The following CACNA1E variants were observed in gnomAD, a reference collection of about 807,000 sequenced individuals.
CACNA1E encodes the protein calcium voltage-gated channel subunit alpha1 E, also known as voltage-dependent R-type calcium channel subunit alpha-1E.
Under a neutral mutation model 259.2 loss-of-function variants are expected in CACNA1E, and 40 were observed. The ratio of observed to expected loss-of-function variants is 0.15; its 90% confidence interval spans 0.12 to 0.20. The LOEUF is 0.20. Among genes scored for constraint, CACNA1E ranks in the 10% least tolerant of loss-of-function variants. The pLI, the probability that CACNA1E is intolerant of heterozygous loss-of-function variation, is 1.00. For missense variants in CACNA1E, 1,874 were observed against 3,040.1 expected (o/e 0.62, Z 9.02); for synonymous variants, 1,104 against 1,138.5 (o/e 0.97, Z 0.61).
At chr1:181,549,437 A>G (rs1454663474) in intron 3 of CACNA1E, among the ~76,000 whole-genome samples, 1 of 152,178 alleles carries the variant, frequency 6.6e-6, no homozygotes, top group Admixed American at 6.5e-5. Context: ...CCCTTTTTGG[A>G]AAGAGAAGTA....
chr1:181,399,374 T>C (rs1011177106), intron 1 of CACNA1E, among the ~76,000 whole-genome samples: 5 of 152,238 alleles, frequency 3.3e-5, no homozygotes, highest in South Asian at 2.1e-4. Context: ...ATTGTTTTTA[T>C]TGCTGATTAC....
At chr1:181,746,603 C>T (rs1219356892) in intron 25 of CACNA1E, among the ~76,000 whole-genome samples, 1 of 152,196 alleles carries the variant, frequency 6.6e-6, no homozygotes, top group African/African-American at 2.4e-5. Flanking sequence ...TGGTGACAGA[C>T]AAGACCTATG....
At chr1:181,649,076 T>C (rs970680259) in intron 6 of CACNA1E, among the ~76,000 whole-genome samples, 2 of 152,234 alleles carry the variant, frequency 1.3e-5, no homozygotes, top group Admixed American at 6.5e-5. Flanking sequence ...GGAAGGTCCA[T>C]GTCTTAACGA....
At chr1:181,644,170 C>T (rs1572471823) in intron 6 of CACNA1E, among the ~76,000 whole-genome samples, 1 of 152,286 alleles carries the variant, frequency 6.6e-6, no homozygotes, top group South Asian at 2.1e-4. Flanking sequence ...GTCTTTTGTT[C>T]TGCCCTAGAA....
chr1:181,699,856 G>A (rs1652059129), intron 7 of CACNA1E, among the ~76,000 whole-genome samples: 1 of 152,144 alleles, frequency 6.6e-6, no homozygotes, highest in Admixed American at 6.5e-5. Flanking sequence ...TTACTGAGGT[G>A]GGAGAGACTA....
chr1:181,490,265 A>T (rs1388131415), intron 1 of CACNA1E, among the ~76,000 whole-genome samples: 1 of 152,034 alleles, frequency 6.6e-6, no homozygotes. Flanking sequence ...TATCCAAGAG[A>T]TCCTCCCTGC....
intron 2 of CACNA1E, among the ~76,000 whole-genome samples, chr1:181,478,274 G>T (rs1318452564): frequency 6.6e-6 from 1 of 152,220 alleles, no homozygotes; most frequent in Non-Finnish European, 1.5e-5. Flanking sequence ...CCTGTGGTTA[G>T]CTGATAGCAT....
At chr1:181,449,380 C>T (rs144153284) in intron 2 of CACNA1E, among the ~76,000 whole-genome samples, 195 of 152,278 alleles carry the variant, frequency 1.3e-3, no homozygotes, top group African/African-American at 4.4e-3. Context: ...ATAATGTGAT[C>T]GGCTTATGTC....
chr1:181,785,833 A>G lies in CACNA1E; in HGVS notation c.5786+14A>G, dbSNP rs1660805583. On this transcript the variant is annotated intron_variant, in intron 43 of 47. Coordinates refer to ENST00000367573, the MANE Select transcript of CACNA1E (RefSeq NM_001205293.3). ...CGTTTCAGGCCTGTGAGTAGCACCA[A>G]AACATCCCTGGCATGGCTGTTTGCA... 6.5e-7 allele frequency: 1 copy of G among 1,539,346 alleles called. No individual in the cohort carries two copies. The highest frequency in any genetic ancestry group is 1.9e-5 in the Admixed American group (1 of 53,418).
intron 1 of CACNA1E, among the ~76,000 whole-genome samples, chr1:181,383,289 C>T (rs994977554): frequency 5.9e-5 from 9 of 152,196 alleles, no homozygotes; most frequent in African/African-American, 2.2e-4. Flanking sequence ...TAGCACAGTC[C>T]AGTGAAGGTT....
Position 181,733,682 on chromosome 1 carries a change from C to A in CACNA1E, c.3194C>A (p.Thr1065Asn). The A allele has an allele frequency of 6.2e-7, 1 of 1,605,830 alleles. No homozygotes were observed. The highest frequency in any genetic ancestry group is 8.5e-7 in the Non-Finnish European group (1 of 1,176,294). Reference protein sequence around the residue: ...CITANTDKATTESTSVTVAIP... With the variant: ...CITANTDKATNESTSVTVAIP... ...ACGGCCAACACGGACAAGGCCACCA[C>A]CGAGAGCACCAGCGTCACCGTCGCC... is the stretch of plus-strand genomic sequence containing the variant. Residue 1065 changes from threonine to asparagine, a missense_variant, in exon 21 of 48, where the codon ACC (threonine) becomes AAC (asparagine). Transcript: ENST00000367573.
intron 1 of CACNA1E, among the ~76,000 whole-genome samples, chr1:181,343,829 A>G (rs982310219): frequency 1.3e-5 from 2 of 151,940 alleles, no homozygotes; most frequent in Admixed American, 6.5e-5. Context: ...AATCGTCCCT[A>G]TCACCCAAAG....
chr1:181,657,308 A>T (rs562078912), intron 7 of CACNA1E, among the ~76,000 whole-genome samples: 33 of 152,274 alleles, frequency 2.2e-4, no homozygotes, highest in African/African-American at 7.9e-4. Flanking sequence ...TTTCAGTCAA[A>T]GACTGAAATC....
At chr1:181,320,692 C>T (rs1174866480) in intron 1 of CACNA1E, among the ~76,000 whole-genome samples, 1 of 152,172 alleles carries the variant, frequency 6.6e-6, no homozygotes, top group East Asian at 1.9e-4. Context: ...AAGTTGATGG[C>T]ATCTGACTCA....
chr1:181,348,431 T>A (rs1652784444), intron 1 of CACNA1E, among the ~76,000 whole-genome samples: 1 of 151,970 alleles, frequency 6.6e-6, no homozygotes, highest in Admixed American at 6.6e-5. Context: ...AAAGAAAGCG[T>A]GAGTGATCTG....
At chr1:181,574,525 A>G (rs890600896) in intron 3 of CACNA1E, among the ~76,000 whole-genome samples, 4 of 152,182 alleles carry the variant, frequency 2.6e-5, no homozygotes, top group African/African-American at 9.7e-5. Flanking sequence ...GCCTTTATTG[A>G]GTGCCTCTTA....
At chr1:181,646,000 G>A (rs1658233841) in intron 6 of CACNA1E, among the ~76,000 whole-genome samples, 1 of 152,216 alleles carries the variant, frequency 6.6e-6, no homozygotes, top group South Asian at 2.1e-4. Context: ...GAGGGAAGGT[G>A]TGAAGTAGTT....
At chr1:181,419,636 C>T (rs1236959474) in intron 2 of CACNA1E, among the ~76,000 whole-genome samples, 1 of 152,242 alleles carries the variant, frequency 6.6e-6, no homozygotes, top group Admixed American at 6.5e-5. Context: ...GTCTTACCTT[C>T]AGGGTCCAAA....
upstream of CACNA1E, among the ~76,000 whole-genome samples, chr1:181,479,562 G>A (rs1006045676): frequency 7.2e-5 from 11 of 152,250 alleles, no homozygotes; most frequent in South Asian, 4.1e-4. Context: ...ATGCAATACC[G>A]CATGACTACA....
Sources: allele counts gnomAD v4.1 joint callset (sites outside exome capture counted in the v4.1 genomes callset), GRCh38; gene constraint gnomAD v4.1.1; transcripts MANE v1.5; gene names NCBI Gene and HGNC (gene_info 2026-07-23, HGNC 2026-07-21).